The following COLEC10 variants were observed in gnomAD, a reference collection of about 807,000 sequenced individuals.
The protein encoded by COLEC10 is collectin subfamily member 10, also known as collectin-10.
In COLEC10, 22 loss-of-function variants were observed where a neutral mutation model predicts 28.4. The observed-to-expected ratio is 0.78, with a 90% confidence interval of 0.55 to 1.11. COLEC10 has a LOEUF of 1.11. COLEC10 is among the 50% of genes least tolerant of loss of function. The probability of loss-of-function intolerance (pLI) is 0.00; values close to 1 mark genes in which losing one functional copy is unlikely to be tolerated. For synonymous variants in COLEC10, 125 were observed against 116.1 expected (o/e 1.08, Z -0.49); for missense variants, 361 against 344.1 (o/e 1.05, Z -0.39).
intron 2 of COLEC10, among the ~76,000 whole-genome samples, chr8:119,052,479 C>T (rs1396722558): frequency 6.6e-6 from 1 of 152,070 alleles, no homozygotes; most frequent in Non-Finnish European, 1.5e-5. Context: ...TTAAAGCTAC[C>T]ATAGCTATCA....
chr8:119,036,088 G>A (rs551159740), intron 2 of COLEC10, among the ~76,000 whole-genome samples: 1 of 152,084 alleles, frequency 6.6e-6, no homozygotes, highest in South Asian at 2.1e-4. Context: ...CAAGCACACG[G>A]TTTTAAAAAA....
At chr8:119,001,292 G>A (rs1003322431) in intron 1 of COLEC10, among the ~76,000 whole-genome samples, 3 of 152,160 alleles carry the variant, frequency 2.0e-5, no homozygotes, top group Non-Finnish European at 4.4e-5. Context: ...CAAAAGGCTG[G>A]TATTTTGGCT....
chr8:118,975,789 G>A, the COLEC10 span, among the ~76,000 whole-genome samples: 7,867 of 152,034 alleles, frequency 0.052, 318 homozygotes, highest in East Asian at 0.16. Flanking sequence ...TGAAGTAGAG[G>A]AAGAATGACC....
chr8:119,018,921 C>A (rs1317498008), intron 2 of COLEC10, among the ~76,000 whole-genome samples: 1 of 152,162 alleles, frequency 6.6e-6, no homozygotes, highest in Non-Finnish European at 1.5e-5. Flanking sequence ...CAGTGGTATA[C>A]AATCTTTTGT....
chr8:118,962,474 A>G, the COLEC10 span, among the ~76,000 whole-genome samples: 1 of 152,336 alleles, frequency 6.6e-6, no homozygotes, highest in Non-Finnish European at 1.5e-5. Flanking sequence ...TCAATGAACA[A>G]TAAATATGTA....
intron 1 of COLEC10, chr8:119,009,374 CTCTT>C (rs1813864031): frequency 6.6e-6 from 1 of 150,660 alleles, no homozygotes; most frequent in South Asian, 2.1e-4. Flanking sequence ...CTCTCTCTCT[CTCTT>C]TCACCTCCCC....
chr8:119,074,034 G>T (rs779594438), intron 1 of COLEC10, among the ~76,000 whole-genome samples: 8 of 151,460 alleles, frequency 5.3e-5, no homozygotes, highest in Non-Finnish European at 1.2e-4. Flanking sequence ...TTGAATCTGA[G>T]CTCTGCCACT....
rs75370715 is a variant in COLEC10, at chr8:119,083,808, G to A, written c.149-5872G>A. ...TAATTTATTAAATTCAGTATATTACGTTAAAATGTAAGTATAAATTATTTA... is the reference window on the plus strand; with the variant it reads ...TAATTTATTAAATTCAGTATATTACATTAAAATGTAAGTATAAATTATTTA... On this transcript the variant is annotated intron_variant, in intron 1 of 5. Coordinates refer to ENST00000332843, the MANE Select transcript of COLEC10 (RefSeq NM_006438.5). Among the ~76,000 whole-genome samples, 96 of 151,938 alleles carry A rather than the reference G, an allele frequency of 6.3e-4. 1 individual carries two copies. The highest frequency in any genetic ancestry group is 6.8e-3 in the Middle Eastern group (2 of 294).
chr8:119,015,417 T>A lies in COLEC10; in HGVS notation n.235+5864T>A, dbSNP rs1414738049. ...TGACAAAACCTCCACAGATTAGGCT[T>A]TGGTTGAATAGTTTCTGCTGAAGGC... On this transcript the variant is annotated intron_variant and non_coding_transcript_variant, in intron 2 of 6. Transcript: ENST00000521788. Among the ~76,000 whole-genome samples, 2 of 150,790 alleles carry A rather than the reference T, an allele frequency of 1.3e-5. 1 individual carries two copies. Among genetic ancestry groups the A allele is most frequent in the African/African-American group, 5.0e-5 (2 of 40,134 alleles).
the COLEC10 span, among the ~76,000 whole-genome samples, chr8:118,987,173 G>T: frequency 6.6e-6 from 1 of 152,096 alleles, no homozygotes; most frequent in African/African-American, 2.4e-5. Context: ...CCCACACCTC[G>T]ATATATTGTA....
At chr8:118,967,684 A>G in the COLEC10 span, among the ~76,000 whole-genome samples, 2,934 of 152,242 alleles carry the variant, frequency 0.019, 88 homozygotes, top group African/African-American at 0.067. Context: ...ATGTTTTATT[A>G]GAAAATAACA....
chr8:118,979,029 C>G, the COLEC10 span, among the ~76,000 whole-genome samples: 1 of 151,846 alleles, frequency 6.6e-6, no homozygotes, highest in Non-Finnish European at 1.5e-5. Flanking sequence ...AGTTTTCATG[C>G]CTTTGTTAAA....
chr8:119,045,495 C>T (rs919868452), intron 2 of COLEC10, among the ~76,000 whole-genome samples: 2 of 152,136 alleles, frequency 1.3e-5, no homozygotes, highest in Non-Finnish European at 2.9e-5. Flanking sequence ...CATGAATAGG[C>T]GTAGCTTCAT....
At chr8:119,020,020 G>A (rs6999476) in intron 2 of COLEC10, among the ~76,000 whole-genome samples, 4 of 151,992 alleles carry the variant, frequency 2.6e-5, no homozygotes, top group Admixed American at 6.6e-5. Context: ...ATCATGCATC[G>A]TCTCCTCTTT....
rs781726945 is a variant in COLEC10 at position 119,106,174 on chromosome 8, A to G, written c.817A>G (p.Ile273Val). 1.3e-6 allele frequency: 2 copies of G among 1,597,808 alleles called. No homozygotes were observed. Among genetic ancestry groups the G allele is most frequent in the South Asian group, 2.2e-5 (2 of 90,670 alleles). ...HLTMYFVCEF[I>V]KKKK The stretch of plus-strand genomic sequence containing the variant: ...TACCATGTACTTTGTCTGTGAGTTC[A>G]TCAAGAAGAAAAAGTAACTTCCCTC... The change falls in exon 6 of 6, where the codon ATC becomes GTC. Residue 273 changes from isoleucine to valine, a missense_variant. Ile to Val is a conservative substitution (Grantham distance 29). Transcript: ENST00000332843.
upstream of COLEC10, chr8:119,067,206 A>G: frequency 6.8e-7 from 1 of 1,479,936 alleles, no homozygotes; most frequent in Non-Finnish European, 9.3e-7. Context: ...CTTCTTCCCC[A>G]AAGCAGGAGG....
At chr8:119,105,106 T>C (rs1415214649) in intron 5 of COLEC10, among the ~76,000 whole-genome samples, 1 of 152,132 alleles carries the variant, frequency 6.6e-6, no homozygotes, top group African/African-American at 2.4e-5. Context: ...TGGACAAACA[T>C]CTGTATTATT....
chr8:119,060,341 A>G (rs1231894193), intron 2 of COLEC10, among the ~76,000 whole-genome samples: 1 of 152,166 alleles, frequency 6.6e-6, no homozygotes, highest in Non-Finnish European at 1.5e-5. Flanking sequence ...TTGATAATAC[A>G]CCAGAAATTC....
chr8:119,071,285 T>C (rs1563734496), intron 1 of COLEC10, among the ~76,000 whole-genome samples: 1 of 152,348 alleles, frequency 6.6e-6, no homozygotes, highest in East Asian at 1.9e-4. Flanking sequence ...ATTGCTTATT[T>C]TGATGTTTGC....
Sources: allele counts gnomAD v4.1 joint callset (sites outside exome capture counted in the v4.1 genomes callset), GRCh38; gene constraint gnomAD v4.1.1; transcripts MANE v1.5; gene names NCBI Gene and HGNC (gene_info 2026-07-23, HGNC 2026-07-21).